The following ZNF233 variants were observed in gnomAD, a reference collection of about 807,000 sequenced individuals.
The protein encoded by ZNF233 is zinc finger protein 233.
In ZNF233, 7 loss-of-function variants were observed where a neutral mutation model predicts 11.6. The observed-to-expected ratio is 0.60, with a 90% CI of 0.34 to 1.13. The LOEUF (loss-of-function observed/expected upper bound fraction) is 1.13. ZNF233 is among the 50% of genes most tolerant of loss of function. The pLI, the probability that ZNF233 is intolerant of heterozygous loss-of-function variation, is 0.03. For missense variants in ZNF233, 711 were observed against 785.5 expected (o/e 0.91, Z 1.13); for synonymous variants, 226 against 268.5 (o/e 0.84, Z 1.55).
intron 1 of ZNF233, among the ~76,000 whole-genome samples, chr19:44,262,876 A>G (rs1361282995): frequency 6.6e-6 from 1 of 152,128 alleles, no homozygotes; most frequent in East Asian, 1.9e-4. Context: ...TCAGCAGTTC[A>G]TACCCTCCAA....
chr19:44,260,306 T>C (rs1212926398), intron 1 of ZNF233: 2 of 159,338 alleles, frequency 1.3e-5, no homozygotes, highest in African/African-American at 2.4e-5. Flanking sequence ...GATAAATAGA[T>C]GTAAAAATGC....
At position 44,274,528 on chromosome 19, in the gene ZNF233, G is replaced by T. The variant is rs202091669; in HGVS notation, c.1868G>T (p.Gly623Val). The change falls in exon 5 of 5, where the codon GGC becomes GTC. Residue 623 changes from glycine (G) to valine (V), a missense_variant. Gly to Val is a moderately radical substitution (Grantham distance 109). Transcript: ENST00000683810. ...ACGGGAGAGAAACCCTATAAATGTG[G>T]CATGTGTGGTAAGAGCTTCAGTCAG... Reference protein sequence around the residue: ...IHTGEKPYKCGMCGKSFSQTS... With the variant: ...IHTGEKPYKCVMCGKSFSQTS... The T allele has an allele frequency of 1.9e-6, 3 of 1,608,606 alleles. No homozygotes were observed. The highest frequency in any genetic ancestry group is 2.2e-5 in the East Asian group (1 of 44,556).
chr19:44,266,824 A>G (rs113793589), intron 3 of ZNF233, 42 bp from the exon 4 acceptor site: 3 of 1,491,866 alleles, frequency 2.0e-6, no homozygotes, highest in Non-Finnish European at 9.2e-7. Flanking sequence ...ATTTTTGACT[A>G]TAATGCATTC....
chr19:44,265,362 TATATACACACACACACACAC>T (rs1478690611), intron 2 of ZNF233, among the ~76,000 whole-genome samples: 3 of 87,556 alleles, frequency 3.4e-5, no homozygotes, highest in Non-Finnish European at 8.0e-5. Flanking sequence ...CCATCATATA[TATATACACACACACACACAC>T]ACACACACAC....
In ZNF233 at chr19:44,274,252, A is replaced by T; in HGVS notation, c.1592A>T (p.Lys531Ile). 1 of 1,613,784 alleles carries T rather than the reference A, an allele frequency of 6.2e-7. No individual in the cohort carries two copies. Among genetic ancestry groups the T allele is most frequent in the Non-Finnish European group, 8.5e-7 (1 of 1,179,884 alleles). ...CTTCAGGCCCATCAGAGAGTTCACA[A>T]AGGAGAGAAGCCATACAAATGTGAG... ...SHLQAHQRVH[K>I]GEKPYKCETC... Residue 531 changes from lysine to isoleucine, a missense_variant, in exon 5 of 5, where the codon AAA becomes ATA. Coordinates refer to ENST00000683810, the MANE Select transcript of ZNF233 (RefSeq NM_001207005.2).
Position 44,272,950 on chromosome 19 carries a change from T to G in ZNF233, c.290T>G (p.Phe97Cys). The G allele has an allele frequency of 1.2e-6, 2 of 1,609,146 alleles. No homozygotes were observed. The highest frequency in any genetic ancestry group is 1.7e-6 in the Non-Finnish European group (2 of 1,178,864). ...ACCCTTCAAGAAGTAAGATTAAGAT[T>G]CCTTTCATATGAAGACCTTATATGC... The part of the protein sequence containing the change: ...IDTLQEVRLR[F>C]LSYEDLICWQ... The change falls in exon 5 of 5, where the codon TTC (phenylalanine) becomes TGC (cysteine). Residue 97 changes from phenylalanine (F) to cysteine (C), a missense_variant. Phe to Cys is a radical substitution (Grantham distance 205). Coordinates refer to ENST00000683810, the MANE Select transcript of ZNF233 (RefSeq NM_001207005.2).
chr19:44,269,344 A>G (rs945775196), intron 4 of ZNF233, among the ~76,000 whole-genome samples: 5 of 149,964 alleles, frequency 3.3e-5, no homozygotes, highest in Admixed American at 6.7e-5. Flanking sequence ...TTGCCAGGCT[A>G]GAGTGCAGTG....
chr19:44,265,178 T>C lies in ZNF233; in HGVS notation c.15+803T>C, dbSNP rs8107283. 8.4e-3 allele frequency among the ~76,000 whole-genome samples: 1,281 copies of C among 152,088 alleles called. 17 individuals carry two copies. The highest frequency in any genetic ancestry group is 0.03 in the African/African-American group (1,225 of 41,486). ...TTTCCCCCTGAGGCCCTAAAGTCCA[T>C]TGTGTCATTCTTAGACCTTTGGATC... is the stretch of plus-strand genomic sequence containing the variant. On this transcript the variant is annotated intron_variant, in intron 2 of 4. Transcript: ENST00000683810.
At chr19:44,271,034 C>G (rs1975225047) in intron 4 of ZNF233, among the ~76,000 whole-genome samples, 1 of 152,156 alleles carries the variant, frequency 6.6e-6, no homozygotes, top group Admixed American at 6.5e-5. Flanking sequence ...TCAGAAAATT[C>G]AGTCAAACCA....
Position 44,274,106 on chromosome 19 carries a change from T to A in ZNF233, c.1446T>A (p.Cys482Ter). ...ACACTGGAGAGAAACCCTACAAATG[T>A]GATGTGTGTGATAAGAACTTCAGCC... ...RIHTGEKPYKCDVCDKNFSRN... is the reference protein window; with the variant it reads ...RIHTGEKPYK The change falls in exon 5 of 5, where the codon TGT becomes TGA. Residue 482 changes from cysteine (C) to a stop codon, truncating the protein, a stop_gained. Transcript: ENST00000683810. LOFTEE classifies it low-confidence loss of function (END_TRUNC). 6.2e-7 allele frequency: 1 copy of A among 1,613,914 alleles called. No individual in the cohort carries two copies.
chr19:44,265,144 T>G (rs1467436193), intron 2 of ZNF233, among the ~76,000 whole-genome samples: 1 of 152,014 alleles, frequency 6.6e-6, no homozygotes, highest in Non-Finnish European at 1.5e-5. Context: ...CCTTACCCCC[T>G]TCTCACCCTT....
chr19:44,265,362 TATATACACACACAC>T lies in ZNF233; in HGVS notation c.16-834_16-821del, dbSNP rs764580741. Among the ~76,000 whole-genome samples, 396 of 87,648 alleles carry T rather than the reference TATATACACACACAC, an allele frequency of 4.5e-3. 1 individual carries two copies. Among genetic ancestry groups the T allele is most frequent in the Admixed American group, 7.6e-3 (68 of 8,894 alleles). The allele number at this position is 87,648 out of a possible 152,430, so 57.5% of individuals were successfully genotyped here. A position where few individuals can be genotyped will look rare whatever the true frequency, so the allele number is the denominator to read the frequency against. On this transcript the variant is annotated intron_variant, in intron 2 of 4. Coordinates refer to ENST00000683810, the MANE Select transcript of ZNF233 (RefSeq NM_001207005.2). ...TGGCTGAGTAGTATTCCATCATATA[TATATACACACACAC>T]ACACACACACACACACACACACACA...
chr19:44,265,364 T>TACACACACAC (rs1464898857), intron 2 of ZNF233, among the ~76,000 whole-genome samples: 1 of 57,832 alleles, frequency 1.7e-5, no homozygotes, highest in Non-Finnish European at 3.4e-5. Flanking sequence ...ATCATATATA[T>TACACACACAC]ATACACACAC....
chr19:44,265,651 A>T (rs1484417387), intron 2 of ZNF233, among the ~76,000 whole-genome samples: 4 of 151,962 alleles, frequency 2.6e-5, no homozygotes, highest in Non-Finnish European at 5.9e-5. Context: ...TGAACTCCTG[A>T]CCTCGTGGTT....
chr19:44,263,760 G>T (rs879388661), intron 1 of ZNF233, among the ~76,000 whole-genome samples: 8 of 152,172 alleles, frequency 5.3e-5, no homozygotes, highest in Non-Finnish European at 7.3e-5. Context: ...TTGAAATCTG[G>T]ATGTTATAAA....
intron 4 of ZNF233, chr19:44,267,219 T>G (rs1470124323): frequency 9.3e-6 from 4 of 431,892 alleles, no homozygotes; most frequent in African/African-American, 7.9e-5. Flanking sequence ...TTCCAAAATC[T>G]CTACGAGCCT....
chr19:44,266,794 A>G (rs1975096843), intron 3 of ZNF233, 72 bp from the exon 4 acceptor site: 1 of 1,101,814 alleles, frequency 9.1e-7, no homozygotes, highest in Non-Finnish European at 1.3e-6. Context: ...GCGCATGAAA[A>G]TGGTGGTGTT....
chr19:44,271,036 G>A (rs1975225142), intron 4 of ZNF233, among the ~76,000 whole-genome samples: 1 of 152,186 alleles, frequency 6.6e-6, no homozygotes, highest in Non-Finnish European at 1.5e-5. Context: ...AGAAAATTCA[G>A]TCAAACCAAG....
rs191473078 is a variant in ZNF233 at position 44,267,089 on chromosome 19, A to G, written c.238+128A>G. The G allele has an allele frequency of 2.0e-4, 123 of 601,020 alleles. No homozygotes were observed. The African/African-American group carries it at 2.1e-3, about 10-fold the overall frequency. The allele number at this position is 601,020 out of a possible 1,614,324, so 37.2% of individuals were successfully genotyped here. On this transcript the variant is annotated intron_variant, in intron 4 of 4. Transcript: ENST00000683810. ...GCCCTGGTTTACTGCAGCAGCTTGCACATGACCTTCCTCCTTCTACCTCCC... is the reference window on the plus strand; with the variant it reads ...GCCCTGGTTTACTGCAGCAGCTTGCGCATGACCTTCCTCCTTCTACCTCCC...
Sources: gnomAD v4.1 joint callset for allele counts (sites outside exome capture counted in the v4.1 genomes callset) on GRCh38, gnomAD v4.1.1 for gene constraint, MANE v1.5 for transcripts, NCBI Gene and HGNC (gene_info 2026-07-23, HGNC 2026-07-21) for gene names.